LRFN5: variants seen among roughly 807,000 people sequenced by gnomAD.
LRFN5 encodes the protein leucine rich repeat and fibronectin type III domain containing 5, also known as leucine-rich repeat and fibronectin type-III domain-containing protein 5.
LRFN5 carries 24 observed loss-of-function variants against 45.6 expected under a neutral mutation model. The ratio of observed to expected loss-of-function variants is 0.53; its 90% CI spans 0.38 to 0.74. The LOEUF (loss-of-function observed/expected upper bound fraction) is 0.74. Ranked by LOEUF, LRFN5 falls within the 30% of genes least tolerant of loss-of-function variation. The pLI is 0.00. For synonymous variants in LRFN5, 340 were observed against 313.8 expected, an observed-to-expected ratio of 1.08 and a Z score of -0.88; for missense variants, 776 against 861.5, an observed-to-expected ratio of 0.90 and a Z score of 1.24.
chr14:41,620,746 A>G (rs937263174), intron 1 of LRFN5, among the ~76,000 whole-genome samples: 1 of 152,038 alleles, frequency 6.6e-6, no homozygotes, highest in Non-Finnish European at 1.5e-5. Flanking sequence ...AGTTTTCCCA[A>G]TGATGTTGGG....
At chr14:41,848,493 A>ATT (rs34564376) in intron 2 of LRFN5, among the ~76,000 whole-genome samples, 1,997 of 151,032 alleles carry the variant, frequency 0.013, 19 homozygotes, top group Non-Finnish European at 0.017. Context: ...CTTCTGCATT[A>ATT]TTTTTTTTTC....
chr14:41,780,615 T>G (rs892852283), intron 2 of LRFN5, among the ~76,000 whole-genome samples: 7 of 152,118 alleles, frequency 4.6e-5, no homozygotes, highest in African/African-American at 1.7e-4. Flanking sequence ...TGAGTTTTTT[T>G]GTAAATCAAA....
intron 1 of LRFN5, among the ~76,000 whole-genome samples, chr14:41,646,555 C>T (rs1294697890): frequency 6.6e-6 from 1 of 152,166 alleles, no homozygotes; most frequent in Non-Finnish European, 1.5e-5. Flanking sequence ...AGTTAACTCC[C>T]AAAATGCTTC....
chr14:41,868,786 G>A (rs78835431), intron 2 of LRFN5, among the ~76,000 whole-genome samples: 3,656 of 152,134 alleles, frequency 0.024, 61 homozygotes, highest in Middle Eastern at 0.048. Flanking sequence ...TATTCATACC[G>A]AAAAGTGCAT....
At chr14:41,742,304 G>C (rs1453571668) in intron 1 of LRFN5, among the ~76,000 whole-genome samples, 2 of 110,518 alleles carry the variant, frequency 1.8e-5, no homozygotes, top group African/African-American at 6.9e-5. Context: ...AAGAAAATGT[G>C]GTGTGTATAC....
intron 1 of LRFN5, among the ~76,000 whole-genome samples, chr14:41,640,832 T>A (rs989643234): frequency 5.3e-5 from 8 of 152,118 alleles, no homozygotes; most frequent in African/African-American, 1.9e-4. Flanking sequence ...ATTTCACGCT[T>A]CTGTCTTGCA....
At chr14:41,880,136 C>T (rs1432272462) in intron 2 of LRFN5, among the ~76,000 whole-genome samples, 1 of 151,646 alleles carries the variant, frequency 6.6e-6, no homozygotes, top group Non-Finnish European at 1.5e-5. Flanking sequence ...ACCGTATTAG[C>T]CAGGATGGTC....
At chr14:41,832,042 T>C (rs1004756166) in intron 2 of LRFN5, among the ~76,000 whole-genome samples, 10 of 152,122 alleles carry the variant, frequency 6.6e-5, no homozygotes, top group Admixed American at 5.2e-4. Flanking sequence ...ACCCTCATGA[T>C]CTCATCAAAC....
At chr14:41,697,155 A>C (rs748658200) in intron 1 of LRFN5, among the ~76,000 whole-genome samples, 1 of 151,978 alleles carries the variant, frequency 6.6e-6, no homozygotes, top group Non-Finnish European at 1.5e-5. Flanking sequence ...CATCGTTATT[A>C]TTTCTTTCTT....
At chr14:41,727,088 A>G (rs1247102623) in intron 1 of LRFN5, among the ~76,000 whole-genome samples, 1 of 152,194 alleles carries the variant, frequency 6.6e-6, no homozygotes, top group East Asian at 1.9e-4. Context: ...CCATTTGAAG[A>G]TGGAATCACC....
At chr14:41,797,258 T>G (rs1887165351) in intron 2 of LRFN5, among the ~76,000 whole-genome samples, 1 of 151,830 alleles carries the variant, frequency 6.6e-6, no homozygotes, top group Non-Finnish European at 1.5e-5. Flanking sequence ...ATTTATTTAT[T>G]TGGGTGTTAA....
intron 4 of LRFN5, chr14:41,893,127 A>G: frequency 2.0e-6 from 2 of 984,632 alleles, no homozygotes; most frequent in Non-Finnish European, 2.4e-6. Flanking sequence ...TTTAAAGTAA[A>G]TGCATTTGCT....
chr14:41,764,041 G>A (rs1301571218), intron 1 of LRFN5, among the ~76,000 whole-genome samples: 3 of 152,044 alleles, frequency 2.0e-5, no homozygotes, highest in African/African-American at 7.2e-5. Context: ...AAAAATCTTT[G>A]TATGGTAACA....
intron 2 of LRFN5, among the ~76,000 whole-genome samples, chr14:41,826,795 A>C (rs764459629): frequency 6.6e-6 from 1 of 152,064 alleles, no homozygotes; most frequent in African/African-American, 2.4e-5. Context: ...TTCATCTATA[A>C]TATGGGAAAA....
Position 41,758,003 on chromosome 14 carries a change from A to G in LRFN5, c.-196-8851A>G, listed in dbSNP as rs1243785735. Among the ~76,000 whole-genome samples, 6 of 152,172 alleles carry G rather than the reference A, an allele frequency of 3.9e-5. No homozygotes were observed. The East Asian group carries it at 5.8e-4, about 15-fold the overall frequency. Reference sequence around the variant, plus strand: ...ACTAATATGGGACTATCCTAATAGTATATTCTTAATGTAAAAGTAGAGCCC... The same window carrying G: ...ACTAATATGGGACTATCCTAATAGTGTATTCTTAATGTAAAAGTAGAGCCC... On this transcript the variant is annotated intron_variant, in intron 1 of 5. Coordinates refer to ENST00000298119, the MANE Select transcript of LRFN5 (RefSeq NM_152447.5).
At chr14:41,837,036 A>C (rs1452432267) in intron 2 of LRFN5, among the ~76,000 whole-genome samples, 1 of 151,872 alleles carries the variant, frequency 6.6e-6, no homozygotes, top group African/African-American at 2.4e-5. Flanking sequence ...CTTCCTCCCC[A>C]CACAGGAAGA....
intron 1 of LRFN5, among the ~76,000 whole-genome samples, chr14:41,651,698 A>C (rs1389501627): frequency 6.6e-6 from 1 of 152,172 alleles, no homozygotes; most frequent in East Asian, 1.9e-4. Context: ...CTGAGCCACA[A>C]ATTTTACTAA....
intron 1 of LRFN5, among the ~76,000 whole-genome samples, chr14:41,664,280 A>C (rs1880793465): frequency 6.6e-6 from 1 of 152,016 alleles, no homozygotes; most frequent in African/African-American, 2.4e-5. Flanking sequence ...AAACTGCTAA[A>C]TTTCTACTAC....
At chr14:41,659,116 A>G (rs536618444) in intron 1 of LRFN5, among the ~76,000 whole-genome samples, 1 of 152,134 alleles carries the variant, frequency 6.6e-6, no homozygotes, top group African/African-American at 2.4e-5. Flanking sequence ...GGTTTGTTAC[A>G]TAGGTATACA....
Sources: gnomAD v4.1 joint callset for allele counts (sites outside exome capture counted in the v4.1 genomes callset) on GRCh38, gnomAD v4.1.1 for gene constraint, MANE v1.5 for transcripts, NCBI Gene and HGNC (gene_info 2026-07-23, HGNC 2026-07-21) for gene names.